The following EXT2 variants were observed in gnomAD, a reference collection of about 807,000 sequenced individuals.
EXT2 encodes the protein exostosin glycosyltransferase 2, also known as exostosin-2.
In EXT2, 53 loss-of-function variants were observed where a neutral mutation model predicts 81.6. The observed-to-expected ratio is 0.65, with a 90% CI of 0.52 to 0.82. The LOEUF is 0.82. EXT2 is among the 40% of genes least tolerant of loss of function. EXT2 has a pLI of 0.00. For missense variants in EXT2, 774 were observed against 910.2 expected (o/e 0.85, Z 1.93); for synonymous variants, 320 against 340.0 (o/e 0.94, Z 0.65).
intron 7 of EXT2, among the ~76,000 whole-genome samples, chr11:44,138,216 A>G (rs912054203): frequency 3.3e-5 from 5 of 152,208 alleles, no homozygotes; most frequent in African/African-American, 9.6e-5. Context: ...GAAGGACGGT[A>G]ACTAACAAGC....
chr11:44,202,215 C>T (rs1030800251), intron 9 of EXT2, among the ~76,000 whole-genome samples: 1 of 152,206 alleles, frequency 6.6e-6, no homozygotes, highest in Non-Finnish European at 1.5e-5. Flanking sequence ...CCTTCAAAGA[C>T]TTTACAGAGG....
intron 4 of EXT2, among the ~76,000 whole-genome samples, chr11:44,115,095 G>A (rs984465456): frequency 1.9e-4 from 29 of 152,318 alleles, no homozygotes; most frequent in African/African-American, 6.3e-4. Flanking sequence ...CAGCCTGCAC[G>A]TCTCTTAGAG....
At chr11:44,149,971 C>T (rs1051232603) in intron 7 of EXT2, among the ~76,000 whole-genome samples, 3 of 152,166 alleles carry the variant, frequency 2.0e-5, no homozygotes, top group South Asian at 2.1e-4. Flanking sequence ...GTATATTCAA[C>T]TTTTTATATG....
intron 6 of EXT2, among the ~76,000 whole-genome samples, chr11:44,129,462 A>G (rs1954458084): frequency 1.3e-5 from 2 of 152,116 alleles, no homozygotes; most frequent in African/African-American, 4.8e-5. Flanking sequence ...CTTGCCCACC[A>G]TACTGCTTCT....
intron 8 of EXT2, among the ~76,000 whole-genome samples, chr11:44,175,006 G>A (rs921920160): frequency 1.2e-4 from 18 of 152,202 alleles, no homozygotes; most frequent in African/African-American, 7.2e-5. Flanking sequence ...AGGCATTGGA[G>A]TGTTATCTGT....
At chr11:44,100,037 G>A (rs1953959815) in intron 1 of EXT2, among the ~76,000 whole-genome samples, 1 of 152,142 alleles carries the variant, frequency 6.6e-6, no homozygotes, top group South Asian at 2.1e-4. Flanking sequence ...TTTGGTTGTT[G>A]AATGATGTGG....
At chr11:44,198,340 T>C (rs1955482965) in intron 9 of EXT2, among the ~76,000 whole-genome samples, 1 of 152,086 alleles carries the variant, frequency 6.6e-6, no homozygotes, top group African/African-American at 2.4e-5. Context: ...TAAAAGGCAT[T>C]AGTTTTCTCC....
At chr11:44,103,378 A>G (rs1669699611) in intron 1 of EXT2, among the ~76,000 whole-genome samples, 1 of 152,220 alleles carries the variant, frequency 6.6e-6, no homozygotes, top group African/African-American at 2.4e-5. Flanking sequence ...AGTCTGTTGC[A>G]GTGTCATATG....
intron 10 of EXT2, among the ~76,000 whole-genome samples, chr11:44,228,919 CT>C (rs1156450374): frequency 6.6e-6 from 1 of 151,252 alleles, no homozygotes; most frequent in Non-Finnish European, 1.5e-5. Flanking sequence ...GCGATTTGAA[CT>C]TTTCTTAGCA....
intron 7 of EXT2, among the ~76,000 whole-genome samples, chr11:44,163,280 C>T (rs906777586): frequency 2.0e-5 from 3 of 152,188 alleles, no homozygotes; most frequent in Admixed American, 6.5e-5. Context: ...ATCTTGCTTA[C>T]AGTAATTCTA....
At chr11:44,175,320 G>A (rs967280493) in intron 8 of EXT2, among the ~76,000 whole-genome samples, 1 of 152,040 alleles carries the variant, frequency 6.6e-6, no homozygotes, top group Non-Finnish European at 1.5e-5. Flanking sequence ...GATGGTATTG[G>A]CGTCCAAACT....
At chr11:44,154,302 C>T (rs1954831605) in intron 7 of EXT2, among the ~76,000 whole-genome samples, 1 of 152,108 alleles carries the variant, frequency 6.6e-6, no homozygotes, top group Non-Finnish European at 1.5e-5. Context: ...CCACCCTTCC[C>T]AGCCTCTGGT....
intron 10 of EXT2, among the ~76,000 whole-genome samples, chr11:44,214,206 C>T (rs1258421987): frequency 6.6e-6 from 1 of 152,036 alleles, no homozygotes; most frequent in African/African-American, 2.4e-5. Flanking sequence ...CTCCGCCTCC[C>T]GGGTTCACGC....
At chr11:44,153,985 T>G (rs1954827099) in intron 7 of EXT2, among the ~76,000 whole-genome samples, 1 of 150,792 alleles carries the variant, frequency 6.6e-6, no homozygotes, top group South Asian at 2.1e-4. Flanking sequence ...AGTTTTCTGT[T>G]TTTTTTTTAA....
At chr11:44,239,260 G>A (rs1956006143) in intron 13 of EXT2, among the ~76,000 whole-genome samples, 1 of 152,282 alleles carries the variant, frequency 6.6e-6, no homozygotes, top group East Asian at 1.9e-4. Flanking sequence ...AGGAGATGCT[G>A]ATTAGGGGAG....
In EXT2 at chr11:44,244,456, A is replaced by C. The variant is rs956803129; in HGVS notation, c.*169A>C. 3.0e-6 allele frequency: 2 copies of C among 662,826 alleles called. No individual in the cohort carries two copies. The highest frequency in any genetic ancestry group is 5.3e-6 in the Non-Finnish European group (2 of 376,844). The allele number at this position is 662,826 out of a possible 1,614,324, so 41.1% of individuals were successfully genotyped here. A position where few individuals can be genotyped will look rare whatever the true frequency, so the allele number is the denominator to read the frequency against. On this transcript the variant is annotated 3_prime_UTR_variant, in exon 14 of 14. Coordinates refer to ENST00000533608, the MANE Select transcript of EXT2 (RefSeq NM_207122.2). ...TCTCAAGAACAAGAACCTAGAATGA[A>C]TATCCAAGCACCTCGAGCTATGCAA...
chr11:44,144,190 T>C (rs1265832189), intron 7 of EXT2: 1 of 1,478,154 alleles, frequency 6.8e-7, no homozygotes, highest in African/African-American at 1.4e-5. Context: ...AGTTGTGCTC[T>C]TATTTATTTA....
intron 1 of EXT2, among the ~76,000 whole-genome samples, chr11:44,100,518 T>C (rs1953966384): frequency 1.3e-5 from 2 of 152,070 alleles, no homozygotes; most frequent in African/African-American, 4.8e-5. Flanking sequence ...GTATGGACAA[T>C]GGTAATGATA....
At chr11:44,238,000 A>G (rs1394015899) in intron 13 of EXT2, among the ~76,000 whole-genome samples, 2 of 151,158 alleles carry the variant, frequency 1.3e-5, no homozygotes, top group African/African-American at 4.9e-5. Context: ...GAGGCAGGAG[A>G]ATCACTTGAA....
Sources: gnomAD v4.1 joint callset for allele counts (sites outside exome capture counted in the v4.1 genomes callset) on GRCh38, gnomAD v4.1.1 for gene constraint, MANE v1.5 for transcripts, NCBI Gene and HGNC (gene_info 2026-07-23, HGNC 2026-07-21) for gene names.